SLC2A13: variants seen among roughly 807,000 people sequenced by gnomAD.
SLC2A13 encodes solute carrier family 2 member 13.
Under a neutral mutation model 64.4 loss-of-function variants are expected in SLC2A13, and 32 were observed. The observed-to-expected ratio is 0.50, with a 90% CI of 0.37 to 0.67. The LOEUF (loss-of-function observed/expected upper bound fraction) is 0.67, where lower values mean the gene tolerates loss of function less well. SLC2A13 is among the 30% of genes least tolerant of loss of function. The pLI, the probability that SLC2A13 is intolerant of heterozygous loss-of-function variation, is 0.00. For synonymous variants in SLC2A13, 338 were observed against 327.1 expected (o/e 1.03, Z -0.36); for missense variants, 743 against 829.2 (o/e 0.90, Z 1.28).
intron 1 of SLC2A13, among the ~76,000 whole-genome samples, chr12:40,091,281 A>T (rs1186564755): frequency 2.6e-5 from 4 of 152,210 alleles, no homozygotes; most frequent in African/African-American, 9.6e-5. Context: ...AAGATCCTTG[A>T]ATTCCACTTT....
chr12:39,764,923 T>G (rs1383618769), intron 7 of SLC2A13, 65 bp from the exon 8 acceptor site: 32 of 1,541,584 alleles, frequency 2.1e-5, no homozygotes, highest in Non-Finnish European at 2.7e-5. Context: ...AAATTCAATA[T>G]GATCATATTT....
At chr12:40,084,373 A>C (rs1328628579) in intron 1 of SLC2A13, among the ~76,000 whole-genome samples, 3 of 152,232 alleles carry the variant, frequency 2.0e-5, no homozygotes, top group Non-Finnish European at 4.4e-5. Flanking sequence ...TTTTTAATGC[A>C]ACAGTTTTCC....
chr12:39,932,099 T>G (rs1216122338), intron 4 of SLC2A13, among the ~76,000 whole-genome samples: 3 of 152,186 alleles, frequency 2.0e-5, no homozygotes, highest in Non-Finnish European at 4.4e-5. Context: ...TGCAACACAT[T>G]TTCTTCCATG....
At chr12:39,815,425 C>A (rs1217659646) in intron 7 of SLC2A13, among the ~76,000 whole-genome samples, 1 of 152,146 alleles carries the variant, frequency 6.6e-6, no homozygotes, top group East Asian at 1.9e-4. Context: ...CGAACAGGTT[C>A]TTTGTCAAAA....
chr12:39,937,973 T>C (rs1312285581), intron 4 of SLC2A13, among the ~76,000 whole-genome samples: 3 of 152,184 alleles, frequency 2.0e-5, no homozygotes, highest in South Asian at 4.1e-4. Context: ...TCCTGAATTT[T>C]GAAAATAGAG....
At chr12:40,010,720 T>C (rs1430621285) in intron 3 of SLC2A13, among the ~76,000 whole-genome samples, 2 of 152,254 alleles carry the variant, frequency 1.3e-5, no homozygotes, top group African/African-American at 4.8e-5. Context: ...CTCTCCTTTT[T>C]TTATATTTTT....
intron 1 of SLC2A13, among the ~76,000 whole-genome samples, chr12:40,065,692 G>A: frequency 6.6e-6 from 1 of 151,972 alleles, no homozygotes. Flanking sequence ...TGACCCAAAG[G>A]GCCAATTATT....
At position 40,042,237 on chromosome 12, in the gene SLC2A13, G is replaced by GT. The variant is rs142288167; in HGVS notation, c.716+5813dup. ...TAGTGAGGTGGAATAAGATAAGCCT[G>GT]TTTTTTTTTTAAAGTAGATCTAGGA... is the stretch of plus-strand genomic sequence containing the variant. On this transcript the variant is annotated intron_variant, in intron 2 of 9. Transcript: ENST00000280871. Among the ~76,000 whole-genome samples the GT allele has an allele frequency of 2.7e-3, 406 of 148,742 alleles. 1 individual carries two copies. Among genetic ancestry groups the GT allele is most frequent in the African/African-American group, 8.7e-3 (355 of 40,600 alleles).
At chr12:40,056,557 A>G (rs1948336527) in intron 1 of SLC2A13, among the ~76,000 whole-genome samples, 1 of 152,200 alleles carries the variant, frequency 6.6e-6, no homozygotes, top group Middle Eastern at 3.2e-3. Flanking sequence ...AAGCAACAGC[A>G]TAAGTGGTGT....
intron 3 of SLC2A13, among the ~76,000 whole-genome samples, chr12:39,989,762 C>G (rs1159270872): frequency 6.6e-6 from 1 of 152,084 alleles, no homozygotes; most frequent in Non-Finnish European, 1.5e-5. Flanking sequence ...TTTTAATGTT[C>G]TAGTTGAGAG....
chr12:39,797,153 A>G (rs1028662726), intron 7 of SLC2A13, among the ~76,000 whole-genome samples: 1 of 152,220 alleles, frequency 6.6e-6, no homozygotes, highest in East Asian at 1.9e-4. Context: ...AAAAATTCTG[A>G]TGTTATGAAA....
Position 39,837,677 on chromosome 12 carries a change from G to A in SLC2A13, c.1320-7449C>T, listed in dbSNP as rs368721966. Among the ~76,000 whole-genome samples the A allele has an allele frequency of 7.0e-4, 106 of 151,836 alleles. 1 individual carries two copies. In the East Asian group the frequency reaches 9.3e-3, roughly 13 times the overall value. On this transcript the variant is annotated intron_variant, in intron 6 of 9. Coordinates refer to ENST00000280871, the MANE Select transcript of SLC2A13 (RefSeq NM_052885.4). ...CAAACAACCCCATCAAAAAGTGGGC[G>A]AAGGACATGAACAGACACTTCTCAA...
At chr12:39,920,777 C>G (rs779937302) in intron 4 of SLC2A13, among the ~76,000 whole-genome samples, 1 of 152,090 alleles carries the variant, frequency 6.6e-6, no homozygotes, top group Non-Finnish European at 1.5e-5. Flanking sequence ...ATACGTCCAT[C>G]TGTGCATAGC....
At chr12:39,818,874 C>T (rs1318779631) in intron 7 of SLC2A13, among the ~76,000 whole-genome samples, 1 of 152,104 alleles carries the variant, frequency 6.6e-6, no homozygotes, top group Non-Finnish European at 1.5e-5. Context: ...TAACTCTGAT[C>T]TGGCCCTTTC....
intron 6 of SLC2A13, among the ~76,000 whole-genome samples, chr12:39,838,880 A>T (rs1286485460): frequency 6.6e-6 from 1 of 152,084 alleles, no homozygotes; most frequent in Non-Finnish European, 1.5e-5. Context: ...AAACTCAATG[A>T]GATGGAGCAC....
chr12:39,971,997 A>AAAAAATATATATATATATATAT (rs1375405006), intron 3 of SLC2A13, among the ~76,000 whole-genome samples: 3 of 77,352 alleles, frequency 3.9e-5, no homozygotes, highest in Non-Finnish European at 5.0e-5. Context: ...AAAAAAAAAA[A>AAAAAATATATATATATATATAT]ATATATATAT....
chr12:39,982,508 TCACAAG>T (rs1946927021), intron 3 of SLC2A13, among the ~76,000 whole-genome samples: 11 of 151,420 alleles, frequency 7.3e-5, no homozygotes, highest in African/African-American at 2.7e-4. Flanking sequence ...AGTACAAAAA[TCACAAG>T]CATTCTTATA....
chr12:39,857,808 C>A (rs184471588), intron 6 of SLC2A13, among the ~76,000 whole-genome samples: 5 of 152,292 alleles, frequency 3.3e-5, no homozygotes, highest in Admixed American at 2.6e-4. Flanking sequence ...TTGGTCAATT[C>A]TTTGAAGAAG....
At chr12:39,956,568 T>A (rs376083981) in intron 3 of SLC2A13, among the ~76,000 whole-genome samples, 1 of 151,926 alleles carries the variant, frequency 6.6e-6, no homozygotes, top group African/African-American at 2.4e-5. Flanking sequence ...AGAAAAAAAA[T>A]TCAATATTCA....
Sources: gnomAD v4.1 joint callset for allele counts (sites outside exome capture counted in the v4.1 genomes callset) on GRCh38, gnomAD v4.1.1 for gene constraint, MANE v1.5 for transcripts, NCBI Gene and HGNC (gene_info 2026-07-23, HGNC 2026-07-21) for gene names.